STK24: variants seen among roughly 807,000 people sequenced by gnomAD.
STK24 encodes the protein serine/threonine kinase 24.
STK24 carries 21 observed loss-of-function variants against 55.6 expected under a neutral mutation model. The ratio of observed to expected loss-of-function variants is 0.38; its 90% CI spans 0.27 to 0.54. The LOEUF (loss-of-function observed/expected upper bound fraction) is 0.54. STK24 is among the 20% of genes least tolerant of loss of function. The probability of loss-of-function intolerance (pLI) is 0.79; values close to 1 mark genes in which losing one functional copy is unlikely to be tolerated. For synonymous variants in STK24, 200 were observed against 215.2 expected (o/e 0.93, Z 0.62); for missense variants, 383 against 538.4 (o/e 0.71, Z 2.86).
chr13:98,498,689 T>C (rs1895336602), intron 2 of STK24, among the ~76,000 whole-genome samples: 1 of 152,154 alleles, frequency 6.6e-6, no homozygotes, highest in African/African-American at 2.4e-5. Context: ...CATGAGAGAA[T>C]GGTTTCTTTG....
intron 9 of STK24, among the ~76,000 whole-genome samples, chr13:98,458,636 A>C (rs543793736): frequency 2.2e-4 from 33 of 152,304 alleles, no homozygotes; most frequent in African/African-American, 7.2e-4. Context: ...GTCAGCTACA[A>C]TCCAGCACTC....
In STK24 at chr13:98,514,265, G is replaced by A. The variant is rs1268018121; in HGVS notation, c.273+4978C>T. ...GCACAGCAGCCTCGTTCATGGAGAC[G>A]CTGGCCACTTCTATCAGTATTTTTT... On this transcript the variant is annotated intron_variant, in intron 2 of 10. Transcript: ENST00000539966. Among the ~76,000 whole-genome samples, 6 of 152,328 alleles carry A rather than the reference G, an allele frequency of 3.9e-5. No individual in the cohort carries two copies. The East Asian group carries it at 5.8e-4, about 15-fold the overall frequency.
rs763286305 is a variant in STK24, at chr13:98,446,625, C to T, written c.*6548G>A. On this transcript the variant is annotated 3_prime_UTR_variant, in exon 11 of 11. Coordinates refer to ENST00000539966, the MANE Select transcript of STK24 (RefSeq NM_001032296.4). Reference sequence around the variant, plus strand: ...CAGCAGCCAGGCCCAGCAGCAGAAGCTGACCCCGAAAAGCCACTTTGCTTT... The same window carrying T: ...CAGCAGCCAGGCCCAGCAGCAGAAGTTGACCCCGAAAAGCCACTTTGCTTT... The T allele has an allele frequency of 1.1e-5, 18 of 1,606,284 alleles. No homozygotes were observed. The highest frequency in any genetic ancestry group is 1.2e-5 in the Non-Finnish European group (14 of 1,174,658).
Position 98,457,148 on chromosome 13 carries a change from G to T in STK24, c.1259+20C>A, listed in dbSNP as rs771151071. The T allele has an allele frequency of 6.2e-7, 1 of 1,605,814 alleles. No individual in the cohort carries two copies. Among genetic ancestry groups the T allele is most frequent in the African/African-American group, 1.3e-5 (1 of 74,848 alleles). On this transcript the variant is annotated intron_variant, in intron 10 of 10. Transcript: ENST00000539966. Reference sequence around the variant, plus strand: ...TGCAGGTCTCTCCTTCCCCAGCCCAGAGGGGCCCTGGGTAGTTACCTCTGG... The same window carrying T: ...TGCAGGTCTCTCCTTCCCCAGCCCATAGGGGCCCTGGGTAGTTACCTCTGG...
rs1893241545 is a variant in STK24, at chr13:98,452,384, A to G, written c.*789T>C. The G allele has an allele frequency of 6.6e-6, 1 of 152,620 alleles. No homozygotes were observed. Among genetic ancestry groups the G allele is most frequent in the African/African-American group, 2.4e-5 (1 of 41,428 alleles). 9.5% of individuals were successfully genotyped at this position (152,620 alleles called of 1,614,324 possible). A position where few individuals can be genotyped will look rare whatever the true frequency, so the allele number is the denominator to read the frequency against. Reference sequence around the variant, plus strand: ...AGCTTCATGAGGCAAGATATGTTCCAATTTAAAACACTAAGAAATAGTACC... The same window carrying G: ...AGCTTCATGAGGCAAGATATGTTCCGATTTAAAACACTAAGAAATAGTACC... On this transcript the variant is annotated 3_prime_UTR_variant, in exon 11 of 11. Transcript: ENST00000539966.
chr13:98,576,711 G>A (rs1346399582), intron 1 of STK24, 34 bp downstream of exon 1: 1 of 1,454,466 alleles, frequency 6.9e-7, no homozygotes, highest in Non-Finnish European at 9.1e-7. Flanking sequence ...CGCCCCGGTC[G>A]CGCATCCCGG....
Position 98,463,772 on chromosome 13 carries a change from T to C in STK24, c.848A>G (p.Tyr283Cys), listed in dbSNP as rs1194131780. 6.2e-6 allele frequency: 10 copies of C among 1,614,070 alleles called. No homozygotes were observed. The South Asian group carries it at 8.8e-5, about 14-fold the overall frequency. The change falls in exon 7 of 11, where the codon TAC (tyrosine) becomes TGC (cysteine). Residue 283 changes from tyrosine to cysteine, a missense_variant. Coordinates refer to ENST00000539966, the MANE Select transcript of STK24 (RefSeq NM_001032296.4). ...FILRNAKKTS[Y>C]LTELIDRYKR... ...GTACCTGTCGATGAGCTCGGTCAAG[T>C]AGGAAGTTTTCTTTGCATTGCGTAG...
intron 1 of STK24, among the ~76,000 whole-genome samples, chr13:98,558,147 A>T (rs1384453295): frequency 6.6e-6 from 1 of 152,162 alleles, no homozygotes. Flanking sequence ...TCTAATCCCA[A>T]TGCCAGCACT....
rs151146070 is a variant in STK24 at position 98,511,713 on chromosome 13, T to C, written c.273+7530A>G. ...AAGCCACTAACAACAGATGTGTGATTCCATCTACGGTGCTCCGGAAAAGCC... is the reference window on the plus strand; with the variant it reads ...AAGCCACTAACAACAGATGTGTGATCCCATCTACGGTGCTCCGGAAAAGCC... On this transcript the variant is annotated intron_variant, in intron 2 of 10. Transcript: ENST00000539966. 4.8e-4 allele frequency among the ~76,000 whole-genome samples: 73 copies of C among 152,268 alleles called. 1 individual carries two copies. The highest frequency in any genetic ancestry group is 1.7e-3 in the African/African-American group (71 of 41,536).
chr13:98,519,388 T>C lies in STK24; in HGVS notation c.128A>G (p.Asp43Gly). 1 of 1,614,242 alleles carries C rather than the reference T, an allele frequency of 6.2e-7. No individual in the cohort carries two copies. The highest frequency in any genetic ancestry group is 2.2e-5 in the East Asian group (1 of 44,890). Reference sequence around the variant, plus strand: ...GGCAACCACTTTCTGAGTCCGATTGTCAATGCCTTTGAACACCTCTCCAAA... The same window carrying C: ...GGCAACCACTTTCTGAGTCCGATTGCCAATGCCTTTGAACACCTCTCCAAA... The part of the protein sequence containing the change: ...GSFGEVFKGI[D>G]NRTQKVVAIK... The change falls in exon 2 of 11, where the codon GAC (aspartate) becomes GGC (glycine). Residue 43 changes from aspartate to glycine, a missense_variant. Coordinates refer to ENST00000539966, the MANE Select transcript of STK24 (RefSeq NM_001032296.4).
At chr13:98,504,330 T>C (rs1406883778) in intron 2 of STK24, among the ~76,000 whole-genome samples, 1 of 152,238 alleles carries the variant, frequency 6.6e-6, no homozygotes, top group Non-Finnish European at 1.5e-5. Flanking sequence ...CTGTGCAAGG[T>C]TGCAATCCAT....
chr13:98,463,709 C>A lies in STK24; in HGVS notation c.911G>T (p.Ser304Ile). 1 of 1,614,024 alleles carries A rather than the reference C, an allele frequency of 6.2e-7. No homozygotes were observed. The highest frequency in any genetic ancestry group is 8.5e-7 in the Non-Finnish European group (1 of 1,179,948). The change falls in exon 7 of 11, where the codon AGC (serine) becomes ATC (isoleucine). Residue 304 changes from serine to isoleucine, a missense_variant. Transcript: ENST00000539966. ...WKAEQSHDDS[S>I]SEDSDAETDG... ...GACTTACGCGTCGGAATCCTCGGAG[C>A]TCGAGTCGTCATGGCTCTGCTCGGC...
intron 5 of STK24, among the ~76,000 whole-genome samples, chr13:98,474,084 C>G (rs9517322): frequency 0.54 from 81,292 of 151,942 alleles, 22,074 homozygotes; most frequent in Non-Finnish European, 0.58. Flanking sequence ...GCAGACTGTG[C>G]GAACTGAAGT....
Position 98,445,827 on chromosome 13 carries a change from T to G in STK24, c.*7346A>C. 1 of 375,786 alleles carries G rather than the reference T, an allele frequency of 2.7e-6. No homozygotes were observed. Among genetic ancestry groups the G allele is most frequent in the Non-Finnish European group, 4.9e-6 (1 of 203,526 alleles). 23.3% of individuals were successfully genotyped at this position (375,786 alleles called of 1,614,324 possible). ...GAGCCTATTTCCAAATAAGCCTGTG[T>G]TCTAAGGTACTGGTAGTCAGGACCT... On this transcript the variant is annotated 3_prime_UTR_variant, in exon 11 of 11. Transcript: ENST00000539966.
intron 2 of STK24, among the ~76,000 whole-genome samples, chr13:98,501,191 C>T (rs1460072712): frequency 1.3e-5 from 2 of 152,208 alleles, no homozygotes; most frequent in South Asian, 2.1e-4. Context: ...AAGTCGGGTT[C>T]GCTTGCACAG....
At chr13:98,518,652 A>G (rs746711365) in intron 2 of STK24, among the ~76,000 whole-genome samples, 6 of 152,238 alleles carry the variant, frequency 3.9e-5, no homozygotes, top group Non-Finnish European at 7.3e-5. Context: ...CAGGATCAGA[A>G]AAACATTTTT....
In STK24 at chr13:98,445,708, T is replaced by C. The variant is rs9517306; in HGVS notation, c.*7465A>G. 0.75 allele frequency: 118,707 copies of C among 158,788 alleles called. 45,290 individuals are homozygous for C. Among genetic ancestry groups the C allele is most frequent in the Non-Finnish European group, 0.83 (60,015 of 72,202 alleles). The allele number at this position is 158,788 out of a possible 1,614,324, so 9.8% of individuals were successfully genotyped here. ...TGTCACAGGGCACACCCCTCTCCCC[T>C]CAAGGTGGCTCTTCTCCTCAGGACA... On this transcript the variant is annotated 3_prime_UTR_variant, in exon 11 of 11. Transcript: ENST00000539966.
At chr13:98,528,242 T>G (rs1792169370) in intron 1 of STK24, among the ~76,000 whole-genome samples, 2 of 152,162 alleles carry the variant, frequency 1.3e-5, no homozygotes, top group African/African-American at 4.8e-5. Context: ...TGACCACACC[T>G]ACCTTGCAAG....
chr13:98,546,782 T>TA (rs1372411244), intron 1 of STK24, among the ~76,000 whole-genome samples: 1 of 152,156 alleles, frequency 6.6e-6, no homozygotes, highest in Non-Finnish European at 1.5e-5. Flanking sequence ...CTTTCTCAAC[T>TA]AAAAAAAGGC....
Sources: allele counts gnomAD v4.1 joint callset (sites outside exome capture counted in the v4.1 genomes callset), GRCh38; gene constraint gnomAD v4.1.1; transcripts MANE v1.5; gene names NCBI Gene and HGNC (gene_info 2026-07-23, HGNC 2026-07-21).